The following CNKSR2 variants were observed in gnomAD, a reference collection of about 807,000 sequenced individuals.
CNKSR2 encodes the protein connector enhancer of kinase suppressor of Ras 2.
A neutral mutation model predicts 84.4 loss-of-function variants in CNKSR2; 14 were observed. The observed-to-expected ratio is 0.17, with a 90% CI of 0.11 to 0.26. The LOEUF (loss-of-function observed/expected upper bound fraction) is 0.26, where lower values mean the gene tolerates loss of function less well. Among genes scored for constraint, CNKSR2 ranks in the 10% least tolerant of loss-of-function variants. The pLI, the probability that CNKSR2 is intolerant of heterozygous loss-of-function variation, is 1.00. For synonymous variants in CNKSR2, 275 were observed against 277.9 expected, an observed-to-expected ratio of 0.99 and a Z score of 0.10; for missense variants, 485 against 771.2, an observed-to-expected ratio of 0.63 and a Z score of 4.40.
intron 4 of CNKSR2, among the ~76,000 whole-genome samples, chrX:21,456,489 T>G (rs962812811): frequency 3.2e-4 from 36 of 112,039 alleles, no homozygotes. Flanking sequence ...CTGGCTTATT[T>G]CATTTAGCAT....
chrX:21,519,653 A>G (rs1372207217), intron 9 of CNKSR2, among the ~76,000 whole-genome samples: 1 of 111,255 alleles, frequency 9.0e-6, no homozygotes, highest in Non-Finnish European at 1.9e-5. Flanking sequence ...CATAGGGTGT[A>G]CCAGTAGTCT....
intron 17 of CNKSR2, among the ~76,000 whole-genome samples, chrX:21,598,656 A>G (rs1183427500): frequency 8.9e-6 from 1 of 112,127 alleles, no homozygotes; most frequent in Non-Finnish European, 1.9e-5. Flanking sequence ...CATCCGCAGC[A>G]TCTTTGGCAT....
Position 21,514,533 on chromosome X carries a change from G to A in CNKSR2, c.811-1952G>A, listed in dbSNP as rs772614558. Reference sequence around the variant, plus strand: ...TACTTAAAAAGAGCATGTAGAAAGTGTGAAAGAATAGGATGAATCAAATTG... The same window carrying A: ...TACTTAAAAAGAGCATGTAGAAAGTATGAAAGAATAGGATGAATCAAATTG... On this transcript the variant is annotated intron_variant, in intron 8 of 21. Coordinates refer to ENST00000379510, the MANE Select transcript of CNKSR2 (RefSeq NM_014927.5). Among the ~76,000 whole-genome samples the A allele has an allele frequency of 6.3e-5, 7 of 111,732 alleles. No individual in the cohort carries two copies. The South Asian group carries it at 1.5e-3, about 24-fold the overall frequency.
At chrX:21,527,852 C>A (rs775564292) in intron 10 of CNKSR2, among the ~76,000 whole-genome samples, 196 of 110,929 alleles carry the variant, frequency 1.8e-3, no homozygotes, top group African/African-American at 5.9e-3. Context: ...TATTAAATTT[C>A]TTTCATATAT....
intron 1 of CNKSR2, among the ~76,000 whole-genome samples, chrX:21,415,114 T>C (rs1262309512): frequency 2.7e-5 from 3 of 111,941 alleles, no homozygotes; most frequent in Non-Finnish European, 5.6e-5. Flanking sequence ...TTGATAGGGA[T>C]TGCATTGAAT....
intron 17 of CNKSR2, among the ~76,000 whole-genome samples, chrX:21,597,849 A>C (rs1474132107): frequency 1.8e-5 from 2 of 109,839 alleles, no homozygotes; most frequent in African/African-American, 6.6e-5. Context: ...ATTTTTTAAT[A>C]TCATACCTAC....
At chrX:21,519,248 A>C (rs2091758464) in intron 9 of CNKSR2, among the ~76,000 whole-genome samples, 1 of 111,078 alleles carries the variant, frequency 9.0e-6, no homozygotes, top group Non-Finnish European at 1.9e-5. Context: ...CATAATGAAA[A>C]CTAGTCAAAA....
At chrX:21,419,908 T>A (rs942724596) in intron 1 of CNKSR2, among the ~76,000 whole-genome samples, 3 of 112,193 alleles carry the variant, frequency 2.7e-5, no homozygotes, top group African/African-American at 9.7e-5. Flanking sequence ...CTACTGCTTA[T>A]GTTCTCTCAA....
At chrX:21,648,475 G>A (rs2092711874) in intron 20 of CNKSR2, among the ~76,000 whole-genome samples, 2 of 111,737 alleles carry the variant, frequency 1.8e-5, no homozygotes, top group Admixed American at 1.9e-4. Flanking sequence ...TTTCCATGTT[G>A]TGTGCCTTTT....
At chrX:21,612,216 T>C (rs1267050879) in intron 20 of CNKSR2, among the ~76,000 whole-genome samples, 1 of 112,283 alleles carries the variant, frequency 8.9e-6, no homozygotes, top group African/African-American at 3.2e-5. Context: ...GAGTAAGTAC[T>C]CAGGCTGCTT....
chrX:21,573,681 G>A (rs2092299781), intron 13 of CNKSR2, among the ~76,000 whole-genome samples: 1 of 111,303 alleles, frequency 9.0e-6, no homozygotes, highest in Admixed American at 9.5e-5. Context: ...TGGGATGCAG[G>A]GCACCAAGTC....
At chrX:21,584,135 A>C (rs1421682006) in intron 13 of CNKSR2, among the ~76,000 whole-genome samples, 1 of 112,276 alleles carries the variant, frequency 8.9e-6, no homozygotes, top group Admixed American at 9.4e-5. Flanking sequence ...TTAAACTGTT[A>C]AATGCACTAA....
intron 1 of CNKSR2, among the ~76,000 whole-genome samples, chrX:21,394,709 A>G (rs1159737785): frequency 9.0e-6 from 1 of 111,447 alleles, no homozygotes; most frequent in Admixed American, 9.6e-5. Context: ...GTTTATGATT[A>G]TTTAAATTTT....
chrX:21,603,619 C>T (rs1042741158), intron 18 of CNKSR2, among the ~76,000 whole-genome samples: 6 of 112,225 alleles, frequency 5.3e-5, no homozygotes, highest in Non-Finnish European at 1.1e-4. Context: ...ATGTGGGGTT[C>T]TCTTTCAACA....
chrX:21,569,419 C>T (rs1384461709), intron 13 of CNKSR2, among the ~76,000 whole-genome samples: 1 of 111,673 alleles, frequency 9.0e-6, no homozygotes, highest in Non-Finnish European at 1.9e-5. Flanking sequence ...GCATTATATC[C>T]ACAGTAGAAC....
At chrX:21,439,951 C>CA (rs201716839) in intron 3 of CNKSR2, among the ~76,000 whole-genome samples, 11 of 107,762 alleles carry the variant, frequency 1.0e-4, no homozygotes, top group South Asian at 4.0e-4. Context: ...CCCTCCCCCC[C>CA]AAAAAAAAAC....
At chrX:21,389,917 T>G (rs1223217000) in intron 1 of CNKSR2, among the ~76,000 whole-genome samples, 2 of 112,837 alleles carry the variant, frequency 1.8e-5, no homozygotes. Context: ...TTTATTTGAT[T>G]AGCATTTTTT....
chrX:21,393,886 C>T (rs1270035721), intron 1 of CNKSR2, among the ~76,000 whole-genome samples: 1 of 112,350 alleles, frequency 8.9e-6, no homozygotes, highest in African/African-American at 3.2e-5. Flanking sequence ...TGTCAAAAGA[C>T]GCATTCCTCT....
At chrX:21,528,146 C>G (rs2091852379) in intron 10 of CNKSR2, among the ~76,000 whole-genome samples, 1 of 110,715 alleles carries the variant, frequency 9.0e-6, no homozygotes, top group South Asian at 3.7e-4. Context: ...ATATAATTTA[C>G]AGTCTTGTGT....
Sources: allele counts gnomAD v4.1 joint callset (sites outside exome capture counted in the v4.1 genomes callset), GRCh38; gene constraint gnomAD v4.1.1; transcripts MANE v1.5; gene names NCBI Gene and HGNC (gene_info 2026-07-23, HGNC 2026-07-21).